Variants in MAPKAP1 observed in about 807,000 individuals in gnomAD.
MAPKAP1 encodes the protein target of rapamycin complex 2 subunit MAPKAP1.
In MAPKAP1, 20 loss-of-function variants were observed where a neutral mutation model predicts 65.7. That is an observed-to-expected ratio of 0.30 (90% CI 0.21 to 0.44). The LOEUF is 0.44. MAPKAP1 is among the 20% of genes least tolerant of loss of function. MAPKAP1 has a pLI of 1.00. For synonymous variants in MAPKAP1, 222 were observed against 244.3 expected, an observed-to-expected ratio of 0.91 and a Z score of 0.85; for missense variants, 423 against 648.0, an observed-to-expected ratio of 0.65 and a Z score of 3.77.
At chr9:125,613,462 C>A (rs1054756481) in intron 4 of MAPKAP1, among the ~76,000 whole-genome samples, 1 of 152,170 alleles carries the variant, frequency 6.6e-6, no homozygotes, top group Non-Finnish European at 1.5e-5. Flanking sequence ...ATGTAAGAGG[C>A]CTGACCCCCT....
At position 125,439,118 on chromosome 9, in the gene MAPKAP1, A is replaced by G; in HGVS notation, c.1444-106T>C. 7.5e-7 allele frequency: 1 copy of G among 1,339,382 alleles called. No homozygotes were observed. The highest frequency in any genetic ancestry group is 1.0e-6 in the Non-Finnish European group (1 of 975,134). The allele number at this position is 1,339,382 out of a possible 1,614,324, so 83.0% of individuals were successfully genotyped here. On this transcript the variant is annotated intron_variant, in intron 11 of 11. Transcript: ENST00000265960. This position sits in a 1 kb window ranked among gnomAD's most constrained non-coding sequence, Gnocchi z 4.0. ...GGCCCTGACCTGGGCCGGGTGCCTC[A>G]GGGCCAGGTGCTGTCGTGTGGAAGG...
chr9:125,667,816 A>T (rs980846303), intron 3 of MAPKAP1, among the ~76,000 whole-genome samples: 11 of 152,246 alleles, frequency 7.2e-5, no homozygotes, highest in Non-Finnish European at 1.5e-4. Flanking sequence ...CTCTGTATTC[A>T]CTGATCAAGA....
chr9:125,673,886 G>A (rs1385878494), intron 1 of MAPKAP1, among the ~76,000 whole-genome samples: 2 of 152,092 alleles, frequency 1.3e-5, no homozygotes, highest in Admixed American at 6.6e-5. Flanking sequence ...AGGCTGCAGT[G>A]AGCTATGATT....
intron 8 of MAPKAP1, among the ~76,000 whole-genome samples, chr9:125,495,217 T>A (rs999522723): frequency 6.6e-6 from 1 of 152,170 alleles, no homozygotes; most frequent in Non-Finnish European, 1.5e-5. Context: ...CACCAAGGTG[T>A]CCCTTTCCCT....
intron 8 of MAPKAP1, among the ~76,000 whole-genome samples, chr9:125,487,874 A>T (rs1245011515): frequency 6.6e-6 from 1 of 152,232 alleles, no homozygotes; most frequent in Non-Finnish European, 1.5e-5. Flanking sequence ...ACACCAGCTA[A>T]TGTAGTCCTA....
intron 5 of MAPKAP1, among the ~76,000 whole-genome samples, chr9:125,583,615 T>C (rs1430052365): frequency 3.3e-5 from 5 of 152,246 alleles, no homozygotes; most frequent in African/African-American, 1.2e-4. Context: ...CTACCACTTA[T>C]TATGTGACAT....
At chr9:125,574,408 G>A (rs1831330752) in intron 5 of MAPKAP1, among the ~76,000 whole-genome samples, 2 of 152,208 alleles carry the variant, frequency 1.3e-5, no homozygotes, top group Non-Finnish European at 2.9e-5. Flanking sequence ...AGCACAGCTG[G>A]GAGTCAGAAT....
At chr9:125,691,159 G>A (rs988395602) in intron 1 of MAPKAP1, among the ~76,000 whole-genome samples, 1 of 152,160 alleles carries the variant, frequency 6.6e-6, no homozygotes. Flanking sequence ...TACTTGGGAG[G>A]CTGAGGCAGG....
rs149316361 is a variant in MAPKAP1 at position 125,668,336 on chromosome 9, C to G, written c.349+1482G>C. 3.0e-3 allele frequency among the ~76,000 whole-genome samples: 463 copies of G among 152,310 alleles called. 2 individuals are homozygous for G. The highest frequency in any genetic ancestry group is 4.2e-3 in the Admixed American group (64 of 15,304). On this transcript the variant is annotated intron_variant, in intron 3 of 11. Coordinates refer to ENST00000265960, the MANE Select transcript of MAPKAP1 (RefSeq NM_001006617.3). The stretch of plus-strand genomic sequence containing the variant: ...GTAAACAATAGCAACGATACCTACA[C>G]CTTGCAAGATCACTGCAATAGAGGT...
chr9:125,451,320 CA>C (rs1852941141), intron 10 of MAPKAP1, among the ~76,000 whole-genome samples: 1 of 152,214 alleles, frequency 6.6e-6, no homozygotes, highest in Non-Finnish European at 1.5e-5. Context: ...CGTCTCCAGT[CA>C]TCTGTTTCTC....
chr9:125,631,525 T>TA (rs2131685566), intron 4 of MAPKAP1, among the ~76,000 whole-genome samples: 1 of 152,298 alleles, frequency 6.6e-6, no homozygotes, highest in East Asian at 1.9e-4. Context: ...AATAGACACT[T>TA]ATAGTTGTAA....
chr9:125,672,391 G>C lies in MAPKAP1; in HGVS notation c.184C>G (p.Gln62Glu). Residue 62 changes from glutamine (Q) to glutamate (E), a missense_variant, in exon 2 of 12, where the codon CAG becomes GAG. Around this residue, in one of 6 missense-constraint regions of MAPKAP1, gnomAD observed 58 missense variants for 56.9 expected, o/e 1.02. Transcript: ENST00000265960. ...ACTGACTGGGCATATACATAGCCCT[G>C]AGTCTCACCATTGCTTCCCTGAATT... ...SEIQGSNGET[Q>E]GYVYAQSVDI... 6.2e-7 allele frequency: 1 copy of C among 1,614,198 alleles called. No individual in the cohort carries two copies. The highest frequency in any genetic ancestry group is 8.5e-7 in the Non-Finnish European group (1 of 1,180,038).
chr9:125,697,054 G>A (rs1434446026), intron 1 of MAPKAP1, among the ~76,000 whole-genome samples: 1 of 152,164 alleles, frequency 6.6e-6, no homozygotes, highest in Non-Finnish European at 1.5e-5. Flanking sequence ...AGAGGTGATG[G>A]TAGCACCGGG....
chr9:125,610,372 A>G (rs1832563625), intron 4 of MAPKAP1, among the ~76,000 whole-genome samples: 1 of 152,234 alleles, frequency 6.6e-6, no homozygotes, highest in Non-Finnish European at 1.5e-5. Flanking sequence ...GACTCAATAC[A>G]CTGGTTGGCA....
chr9:125,644,379 A>T (rs190137100), intron 4 of MAPKAP1, among the ~76,000 whole-genome samples: 89 of 152,328 alleles, frequency 5.8e-4, no homozygotes, highest in African/African-American at 2.1e-3. Context: ...TGAAACAGAA[A>T]ATTTCACATT....
chr9:125,460,243 G>T (rs1372647840), intron 10 of MAPKAP1, among the ~76,000 whole-genome samples: 2 of 151,836 alleles, frequency 1.3e-5, no homozygotes, highest in African/African-American at 4.8e-5. Context: ...GTTACAATGG[G>T]TCCATAAAGC....
At chr9:125,499,907 A>G (rs1376203926) in intron 8 of MAPKAP1, among the ~76,000 whole-genome samples, 1 of 152,114 alleles carries the variant, frequency 6.6e-6, no homozygotes, top group Non-Finnish European at 1.5e-5. Context: ...GAACTGCTTG[A>G]GCCAGGGAGG....
rs775531618 is a variant in MAPKAP1, at chr9:125,439,020, CA to C, written c.1444-9del. Reference sequence around the variant, plus strand: ...TTCCAGGATGTAGTTAACCTAGAAACAAGAGCACACAGCCCGGTCACCTTGC... The same window carrying C: ...TTCCAGGATGTAGTTAACCTAGAAACAGAGCACACAGCCCGGTCACCTTGC... On this transcript the variant is annotated splice_polypyrimidine_tract_variant and intron_variant, in intron 11 of 11. Transcript: ENST00000265960. The surrounding 1 kb of genome is among the most constrained non-coding windows in gnomAD (Gnocchi z 4.0). 1.9e-6 allele frequency: 3 copies of C among 1,612,954 alleles called. No homozygotes were observed. In the South Asian group the frequency reaches 3.3e-5, roughly 18 times the overall value.
rs1361416178 is a variant in MAPKAP1, at chr9:125,595,369, C to T, written c.499-9642G>A. The T allele has an allele frequency of 2.1e-5, 5 of 236,660 alleles. No homozygotes were observed. Among genetic ancestry groups the T allele is most frequent in the Non-Finnish European group, 3.5e-5 (5 of 143,068 alleles). The allele number at this position is 236,660 out of a possible 1,614,324, so 14.7% of individuals were successfully genotyped here. ...TAACTTCTAATACACAGAATGTGAA[C>T]AGATATAGAATTGAAATGTATGTAT... is the stretch of plus-strand genomic sequence containing the variant. On this transcript the variant is annotated intron_variant, in intron 4 of 11. Coordinates refer to ENST00000265960, the MANE Select transcript of MAPKAP1 (RefSeq NM_001006617.3). This position sits in a 1 kb window ranked among gnomAD's most constrained non-coding sequence, Gnocchi z 4.0.
Sources: gnomAD v4.1 joint callset for allele counts (sites outside exome capture counted in the v4.1 genomes callset) on GRCh38, gnomAD v4.1.1 for gene constraint, gnomAD v4.1.1 regional missense constraint, Gnocchi (gnomAD v3.1) non-coding constraint, MANE v1.5 for transcripts, NCBI Gene and HGNC (gene_info 2026-07-23, HGNC 2026-07-21) for gene names.